Variants in CFAP57 observed in about 807,000 individuals in gnomAD.
CFAP57 encodes cilia- and flagella-associated protein 57.
CFAP57 carries 116 observed loss-of-function variants against 146.8 expected under a neutral mutation model. The observed-to-expected ratio is 0.79, with a 90% confidence interval of 0.68 to 0.92. The LOEUF is 0.92. Among genes scored for constraint, CFAP57 ranks in the 40% least tolerant of loss-of-function variants. CFAP57 has a pLI of 0.00. For synonymous variants in CFAP57, 518 were observed against 552.8 expected, an observed-to-expected ratio of 0.94 and a Z score of 0.88; for missense variants, 1,377 against 1,527.2, an observed-to-expected ratio of 0.90 and a Z score of 1.64.
intron 22 of CFAP57, among the ~76,000 whole-genome samples, chr1:43,253,430 C>T (rs770072876): frequency 1.5e-4 from 23 of 152,126 alleles, no homozygotes; most frequent in Admixed American, 1.3e-3. Context: ...TTCAGCCTTG[C>T]GGGGCAGGGG....
chr1:43,245,341 A>AAG (rs35379989), intron 22 of CFAP57, among the ~76,000 whole-genome samples: 2 of 151,178 alleles, frequency 1.3e-5, no homozygotes, highest in East Asian at 1.9e-4. Flanking sequence ...AAAAAAAAAA[A>AAG]GTTTTAAATA....
chr1:43,227,266 CA>C (rs1645281389), intron 18 of CFAP57, 140 bp downstream of exon 18: 1 of 1,073,188 alleles, frequency 9.3e-7, no homozygotes, highest in African/African-American at 1.6e-5. Context: ...CTCCAGTCCA[CA>C]GGGGTGCAAC....
intron 21 of CFAP57, among the ~76,000 whole-genome samples, chr1:43,242,495 CAAAT>C (rs1027130312): frequency 1.3e-5 from 2 of 152,044 alleles, no homozygotes; most frequent in African/African-American, 2.4e-5. Flanking sequence ...TTGTCAAACA[CAAAT>C]AAGAGAAGTG....
chr1:43,237,356 G>T (rs968901746), intron 21 of CFAP57, among the ~76,000 whole-genome samples: 3 of 152,198 alleles, frequency 2.0e-5, no homozygotes, highest in Non-Finnish European at 4.4e-5. Context: ...TCTAGGACAT[G>T]CATTTTATTC....
At chr1:43,229,801 C>T (rs774663166) in intron 18 of CFAP57, among the ~76,000 whole-genome samples, 1 of 128,224 alleles carries the variant, frequency 7.8e-6, no homozygotes, top group Admixed American at 7.1e-5. Flanking sequence ...TGTTTAGCAG[C>T]GTCCCTGGTC....
At chr1:43,186,471 C>T (rs529687722) in intron 5 of CFAP57, among the ~76,000 whole-genome samples, 4 of 151,956 alleles carry the variant, frequency 2.6e-5, no homozygotes, top group East Asian at 1.9e-4. Flanking sequence ...ATTAGCCAAG[C>T]GCGGTGGTGG....
In CFAP57 at chr1:43,183,889, TC is replaced by T; in HGVS notation, c.761+14del. ...CAGGAATCAGAGAGGTAATGGTGCT[TC>T]CTGGGCTGGTGCTCCCACATTCATT... On this transcript the variant is annotated intron_variant, in intron 4 of 22. Coordinates refer to ENST00000372492, the MANE Select transcript of CFAP57 (RefSeq NM_001378189.1). The T allele has an allele frequency of 6.2e-7, 1 of 1,613,416 alleles. No homozygotes were observed. The highest frequency in any genetic ancestry group is 8.5e-7 in the Non-Finnish European group (1 of 1,180,020).
intron 22 of CFAP57, among the ~76,000 whole-genome samples, chr1:43,245,705 G>A (rs1646091069): frequency 2.6e-5 from 4 of 152,170 alleles, no homozygotes; most frequent in Admixed American, 2.6e-4. Context: ...TTAAGAAGCT[G>A]TTAGATCCAC....
Position 43,197,618 on chromosome 1 carries a change from T to C in CFAP57, c.1188T>C (p.Ala396=), listed in dbSNP as rs568518768. ...PLHSAPITGL[A]TCIRKPLIAT... ...ACTCAGCACCCATCACCGGTCTAGCTACCTGCATCCGCAAACCCCTTATAG... is the reference window on the plus strand; with the variant it reads ...ACTCAGCACCCATCACCGGTCTAGCCACCTGCATCCGCAAACCCCTTATAG... Residue 396 remains alanine (A), a synonymous_variant, in exon 7 of 23, where the codon GCT becomes GCC. Transcript: ENST00000372492. 2.5e-6 allele frequency: 4 copies of C among 1,614,158 alleles called. No individual in the cohort carries two copies. In the East Asian group the frequency reaches 8.9e-5, roughly 36 times the overall value.
intron 12 of CFAP57, among the ~76,000 whole-genome samples, chr1:43,217,372 C>T (rs1644874057): frequency 6.6e-6 from 1 of 152,142 alleles, no homozygotes; most frequent in Non-Finnish European, 1.5e-5. Context: ...TCAAACACAG[C>T]ATGTCAAAGG....
At chr1:43,207,899 C>T (rs1052991700) in intron 10 of CFAP57, among the ~76,000 whole-genome samples, 2 of 152,228 alleles carry the variant, frequency 1.3e-5, no homozygotes, top group Admixed American at 6.5e-5. Flanking sequence ...CCCCGAGTAG[C>T]CTGGTCCTAA....
intron 2 of CFAP57, among the ~76,000 whole-genome samples, chr1:43,179,281 A>AT (rs1162025700): frequency 9.5e-6 from 1 of 105,330 alleles, no homozygotes; most frequent in Non-Finnish European, 1.7e-5. Flanking sequence ...CTTAAAGTAT[A>AT]ATAATAATAA....
intron 22 of CFAP57, among the ~76,000 whole-genome samples, chr1:43,248,602 G>A (rs1646206576): frequency 6.6e-6 from 1 of 151,780 alleles, no homozygotes; most frequent in African/African-American, 2.4e-5. Context: ...TTACAGACAT[G>A]AGCCACAGTA....
intron 6 of CFAP57, among the ~76,000 whole-genome samples, chr1:43,191,614 TCCC>T (rs1167054973): frequency 7.1e-6 from 1 of 140,228 alleles, no homozygotes; most frequent in Non-Finnish European, 1.6e-5. Context: ...AAAGTAATAT[TCCC>T]TCCTTCATTT....
At chr1:43,191,369 C>G (rs763372361) in intron 6 of CFAP57, among the ~76,000 whole-genome samples, 1 of 152,096 alleles carries the variant, frequency 6.6e-6, no homozygotes, top group African/African-American at 2.4e-5. Flanking sequence ...AGGCAGGTCA[C>G]GAGCTCAGGA....
chr1:43,177,265 A>C (rs1645210586), intron 2 of CFAP57: 2 of 454,384 alleles, frequency 4.4e-6, no homozygotes, highest in East Asian at 1.4e-4. Flanking sequence ...GGTGGTGTGA[A>C]GAGATCAATA....
At chr1:43,221,980 T>C (rs985913010) in intron 14 of CFAP57, 125 bp from the exon 15 acceptor site, 18 of 778,716 alleles carry the variant, frequency 2.3e-5, no homozygotes, top group African/African-American at 3.6e-5. Context: ...GGCATTTGAA[T>C]CTTGGCTCTG....
At chr1:43,217,294 C>T (rs911926125) in intron 12 of CFAP57, among the ~76,000 whole-genome samples, 12 of 152,106 alleles carry the variant, frequency 7.9e-5, no homozygotes, top group African/African-American at 2.4e-4. Flanking sequence ...TAACATGATT[C>T]GCATCTCGGA....
intron 22 of CFAP57, among the ~76,000 whole-genome samples, chr1:43,248,189 A>G (rs1646186634): frequency 6.6e-6 from 1 of 151,014 alleles, no homozygotes. Flanking sequence ...ACAAAAATTC[A>G]TCATACAAAA....
Sources: allele counts gnomAD v4.1 joint callset (sites outside exome capture counted in the v4.1 genomes callset), GRCh38; gene constraint gnomAD v4.1.1; transcripts MANE v1.5; gene names NCBI Gene and HGNC (gene_info 2026-07-23, HGNC 2026-07-21).